The following ADGRE1 variants were observed in gnomAD, a reference collection of about 807,000 sequenced individuals.
ADGRE1 encodes the protein adhesion G protein-coupled receptor E1.
Under a neutral mutation model 102.7 loss-of-function variants are expected in ADGRE1, and 82 were observed. That is an observed-to-expected ratio of 0.80 (90% CI 0.67 to 0.96). The LOEUF (loss-of-function observed/expected upper bound fraction) is 0.96. Ranked by LOEUF, ADGRE1 falls within the 40% of genes least tolerant of loss-of-function variation. ADGRE1 has a pLI of 0.00. For synonymous variants in ADGRE1, 398 were observed against 399.6 expected (o/e 1.00, Z 0.05); for missense variants, 1,032 against 1,085.3 (o/e 0.95, Z 0.69).
At chr19:6,923,382 A>C (rs1328575352) in intron 14 of ADGRE1, among the ~76,000 whole-genome samples, 2 of 152,182 alleles carry the variant, frequency 1.3e-5, no homozygotes, top group African/African-American at 4.8e-5. Context: ...GTTGTACTTG[A>C]AATGTTTTCA....
intron 10 of ADGRE1, among the ~76,000 whole-genome samples, chr19:6,912,038 A>G (rs1355916681): frequency 6.6e-6 from 1 of 152,054 alleles, no homozygotes; most frequent in Non-Finnish European, 1.5e-5. Flanking sequence ...ACACACATAC[A>G]CACATATATA....
Position 6,921,703 on chromosome 19 carries a change from T to C in ADGRE1, c.1621-10T>C. 1 of 1,488,242 alleles carries C rather than the reference T, an allele frequency of 6.7e-7. No individual in the cohort carries two copies. The highest frequency in any genetic ancestry group is 1.2e-5 in the South Asian group (1 of 83,938). The allele number at this position is 1,488,242 out of a possible 1,614,324, so 92.2% of individuals were successfully genotyped here. ...AGACCTTTGTTTTTTTGTTTTTTTGTTTTTTTTAGCCAAAGCAGAAGTTTG... is the reference window on the plus strand; with the variant it reads ...AGACCTTTGTTTTTTTGTTTTTTTGCTTTTTTTAGCCAAAGCAGAAGTTTG... On this transcript the variant is annotated splice_polypyrimidine_tract_variant and intron_variant, in intron 13 of 20. Coordinates refer to ENST00000312053, the MANE Select transcript of ADGRE1 (RefSeq NM_001974.5).
chr19:6,889,144 T>G (rs1273738822), intron 1 of ADGRE1, among the ~76,000 whole-genome samples: 1 of 149,434 alleles, frequency 6.7e-6, no homozygotes, highest in Non-Finnish European at 1.5e-5. Flanking sequence ...GGGATAATGA[T>G]GATGATGGTG....
intron 17 of ADGRE1, among the ~76,000 whole-genome samples, chr19:6,933,265 C>A (rs893446002): frequency 6.6e-6 from 1 of 152,162 alleles, no homozygotes; most frequent in East Asian, 1.9e-4. Flanking sequence ...ATTCCCAAAT[C>A]TTCAAGGACA....
In ADGRE1 at chr19:6,891,485, G is replaced by A. The variant is rs373214450; in HGVS notation, c.94+942G>A. 4.8e-5 allele frequency among the ~76,000 whole-genome samples: 7 copies of A among 146,358 alleles called. No homozygotes were observed. In the East Asian group the frequency reaches 8.0e-4, roughly 17 times the overall value. ...TTTTTTTTTTTTGAGATAGATTCTCGCTCTGTTGCCCAGGCTGGAGTGCAG... is the reference window on the plus strand; with the variant it reads ...TTTTTTTTTTTTGAGATAGATTCTCACTCTGTTGCCCAGGCTGGAGTGCAG... On this transcript the variant is annotated intron_variant, in intron 2 of 20. Coordinates refer to ENST00000312053, the MANE Select transcript of ADGRE1 (RefSeq NM_001974.5).
chr19:6,919,334 G>A (rs997450744), intron 12 of ADGRE1, among the ~76,000 whole-genome samples: 1 of 140,830 alleles, frequency 7.1e-6, no homozygotes, highest in Non-Finnish European at 1.6e-5. Context: ...CCGGCCAGAG[G>A]TTTTTTTTTT....
At chr19:6,931,335 G>A (rs1303585549) in intron 17 of ADGRE1, among the ~76,000 whole-genome samples, 1 of 152,076 alleles carries the variant, frequency 6.6e-6, no homozygotes, top group Non-Finnish European at 1.5e-5. Context: ...ATTTTCAGGG[G>A]TCACCGTAAT....
intron 3 of ADGRE1, 134 bp from the exon 4 acceptor site, chr19:6,897,015 C>A: frequency 2.2e-6 from 2 of 903,532 alleles, no homozygotes; most frequent in Non-Finnish European, 3.2e-6. Flanking sequence ...CCTTCCATTG[C>A]TTGACAGAAG....
rs1324869306 is a variant in ADGRE1, at chr19:6,924,767, T to G, written c.1881T>G (p.Cys627Trp). The change falls in exon 15 of 21, where the codon TGT becomes TGG. Residue 627 changes from cysteine (C) to tryptophan (W), a missense_variant. Cys to Trp is a radical substitution (Grantham distance 215, BLOSUM62 -2). Coordinates refer to ENST00000312053, the MANE Select transcript of ADGRE1 (RefSeq NM_001974.5). ...LVLAIATFLL[C>W]RSIRNHNTYL... The stretch of plus-strand genomic sequence containing the variant: ...TGGCCATCGCCACCTTTCTGCTGTG[T>G]CGCTCCATCCGAAATCACAACACCT... The G allele has an allele frequency of 1.9e-6, 3 of 1,614,184 alleles. No homozygotes were observed. The highest frequency in any genetic ancestry group is 1.7e-5 in the Admixed American group (1 of 60,012).
intron 9 of ADGRE1, among the ~76,000 whole-genome samples, chr19:6,908,284 G>T (rs1490920086): frequency 6.6e-6 from 1 of 152,090 alleles, no homozygotes; most frequent in Non-Finnish European, 1.5e-5. Flanking sequence ...CTTATCACTG[G>T]CTTGCTGTTA....
At chr19:6,922,775 G>A (rs1347563065) in intron 14 of ADGRE1, among the ~76,000 whole-genome samples, 1 of 152,080 alleles carries the variant, frequency 6.6e-6, no homozygotes, top group Non-Finnish European at 1.5e-5. Flanking sequence ...ATCCTCATTA[G>A]TGTTGTAGAA....
Position 6,904,758 on chromosome 19 carries a change from G to A in ADGRE1, c.949+576G>A, listed in dbSNP as rs111925185. On this transcript the variant is annotated intron_variant, in intron 8 of 20. Transcript: ENST00000312053. ...ACTGACCTCGTGATCAGCCCGCCTC[G>A]GCCTCCCAAAGTGCTGGGATTACAG... Among the ~76,000 whole-genome samples the A allele has an allele frequency of 8.6e-5, 13 of 152,014 alleles. No homozygotes were observed. In the East Asian group the frequency reaches 2.3e-3, roughly 27 times the overall value.
chr19:6,909,387 C>G (rs1261808188), intron 10 of ADGRE1, among the ~76,000 whole-genome samples: 1 of 152,158 alleles, frequency 6.6e-6, no homozygotes, highest in African/African-American at 2.4e-5. Flanking sequence ...CCCTCCACCA[C>G]TAAACTCTAT....
chr19:6,924,320 G>A (rs540711362), intron 14 of ADGRE1, among the ~76,000 whole-genome samples: 9 of 152,194 alleles, frequency 5.9e-5, no homozygotes, highest in African/African-American at 1.4e-4. Context: ...CCTGTCTGCC[G>A]AAAGCTGATA....
chr19:6,930,696 G>T (rs1975101686), intron 17 of ADGRE1, among the ~76,000 whole-genome samples: 1 of 152,098 alleles, frequency 6.6e-6, no homozygotes, highest in South Asian at 2.1e-4. Flanking sequence ...GCAGTGCAAT[G>T]GCATGATCTC....
chr19:6,928,165 C>G lies in ADGRE1; in HGVS notation c.2243C>G (p.Thr748Arg). 1 of 1,614,024 alleles carries G rather than the reference C, an allele frequency of 6.2e-7. No individual in the cohort carries two copies. Among genetic ancestry groups the G allele is most frequent in the Non-Finnish European group, 8.5e-7 (1 of 1,179,952 alleles). The change falls in exon 17 of 21, where the codon ACA becomes AGA. Residue 748 changes from threonine to arginine, a missense_variant. By Grantham distance (71) the Thr-to-Arg change is moderately conservative. Transcript: ENST00000312053. ...MHNRCWLNTE[T>R]GFIWSFLGPV... ...CACAGCTGCTGGCTGAATACAGAGA[C>G]AGGGTTCATCTGGAGTTTCTTGGGG... is the stretch of plus-strand genomic sequence containing the variant.
At chr19:6,900,420 G>A (rs1480145375) in intron 5 of ADGRE1, among the ~76,000 whole-genome samples, 1 of 152,154 alleles carries the variant, frequency 6.6e-6, no homozygotes, top group African/African-American at 2.4e-5. Context: ...AGGAGGTTGA[G>A]GCTGCAGTGC....
chr19:6,931,654 G>A (rs1157883958), intron 17 of ADGRE1, among the ~76,000 whole-genome samples: 1 of 152,086 alleles, frequency 6.6e-6, no homozygotes, highest in Non-Finnish European at 1.5e-5. Context: ...CAAAAAATGA[G>A]CCAGGCGTGG....
intron 20 of ADGRE1, among the ~76,000 whole-genome samples, 158 bp downstream of exon 20, chr19:6,937,806 T>G (rs965561565): frequency 2.6e-5 from 4 of 152,108 alleles, no homozygotes; most frequent in Non-Finnish European, 4.4e-5. Context: ...TGGGGATTTA[T>G]ATGTATATAT....
Sources: allele counts gnomAD v4.1 joint callset (sites outside exome capture counted in the v4.1 genomes callset), GRCh38; gene constraint gnomAD v4.1.1; transcripts MANE v1.5; gene names NCBI Gene and HGNC (gene_info 2026-07-23, HGNC 2026-07-21).